Variants in AGMO observed in about 807,000 individuals in gnomAD.
AGMO encodes the protein glyceryl-ether monooxygenase.
In AGMO, 75 loss-of-function variants were observed where a neutral mutation model predicts 60.2. That is an observed-to-expected ratio of 1.25 (90% CI 1.03 to 1.51). The LOEUF (loss-of-function observed/expected upper bound fraction) is 1.51. AGMO is among the 40% of genes most tolerant of loss of function. AGMO has a pLI of 0.00. For synonymous variants in AGMO, 261 were observed against 177.1 expected, an observed-to-expected ratio of 1.47 and a Z score of -3.76; for missense variants, 763 against 525.5, an observed-to-expected ratio of 1.45 and a Z score of -4.42.
chr7:15,237,070 G>A (rs1782445192), intron 12 of AGMO, among the ~76,000 whole-genome samples: 2 of 152,110 alleles, frequency 1.3e-5, no homozygotes, highest in Non-Finnish European at 2.9e-5. Flanking sequence ...AGTAAGCATT[G>A]TGAAATCAGT....
the AGMO span, among the ~76,000 whole-genome samples, chr7:15,138,224 CA>C: frequency 6.6e-6 from 1 of 152,118 alleles, no homozygotes; most frequent in East Asian, 1.9e-4. Flanking sequence ...CGTTCCTTTC[CA>C]AAGTCCTGGA....
chr7:15,454,424 G>C (rs184918170), intron 3 of AGMO, among the ~76,000 whole-genome samples: 34 of 151,720 alleles, frequency 2.2e-4, no homozygotes, highest in Non-Finnish European at 4.7e-4. Flanking sequence ...TGGAGAGACA[G>C]ATATGTTAAT....
chr7:15,393,030 GTA>G (rs1455246624), intron 6 of AGMO, among the ~76,000 whole-genome samples: 1 of 152,218 alleles, frequency 6.6e-6, no homozygotes, highest in African/African-American at 2.4e-5. Flanking sequence ...GGTTCTCAAG[GTA>G]TGATTTCTAC....
the AGMO span, among the ~76,000 whole-genome samples, chr7:15,122,243 C>T: frequency 5.9e-5 from 9 of 151,990 alleles, 1 homozygote; most frequent in South Asian, 4.2e-4. Context: ...AGTGGGCAAA[C>T]GATATGAACA....
intron 3 of AGMO, among the ~76,000 whole-genome samples, chr7:15,483,430 G>A (rs1782816588): frequency 6.6e-6 from 1 of 152,106 alleles, no homozygotes. Flanking sequence ...GCCGGGCGTG[G>A]TGGCGGGCGC....
intron 3 of AGMO, among the ~76,000 whole-genome samples, chr7:15,468,498 T>A (rs890139714): frequency 2.0e-5 from 3 of 152,118 alleles, no homozygotes; most frequent in African/African-American, 7.2e-5. Context: ...GTTTTAAACA[T>A]GTAATAATTA....
intron 12 of AGMO, among the ~76,000 whole-genome samples, chr7:15,363,682 T>C (rs574560431): frequency 6.6e-6 from 1 of 152,160 alleles, no homozygotes; most frequent in Admixed American, 6.6e-5. Flanking sequence ...CATACTACAT[T>C]GCCCTCCACC....
At chr7:15,392,760 C>G (rs1418342300) in intron 6 of AGMO, among the ~76,000 whole-genome samples, 1 of 152,038 alleles carries the variant, frequency 6.6e-6, no homozygotes, top group African/African-American at 2.4e-5. Flanking sequence ...GATTGTGCCA[C>G]TACACTCCAG....
rs534943068 is a variant in AGMO at position 15,395,722 on chromosome 7, A to C, written c.610-1543T>G. Among the ~76,000 whole-genome samples, 6 of 152,348 alleles carry C rather than the reference A, an allele frequency of 3.9e-5. No homozygotes were observed. In the South Asian group the frequency reaches 1.2e-3, roughly 32 times the overall value. On this transcript the variant is annotated intron_variant, in intron 5 of 12. Transcript: ENST00000342526. ...TTATGAATGTTTGAAAAAGTTTGTT[A>C]AAAATTTAAACTGCTAGTAATGTCC...
intron 12 of AGMO, among the ~76,000 whole-genome samples, chr7:15,352,219 T>C (rs1782266825): frequency 6.6e-6 from 1 of 151,694 alleles, no homozygotes; most frequent in Non-Finnish European, 1.5e-5. Context: ...ATGAAATAAA[T>C]ATACAATCCA....
At chr7:15,527,983 T>G (rs906109368) in intron 3 of AGMO, among the ~76,000 whole-genome samples, 1 of 152,170 alleles carries the variant, frequency 6.6e-6, no homozygotes, top group Non-Finnish European at 1.5e-5. Context: ...GTACATGGTC[T>G]CCCATGAGCT....
chr7:15,463,203 T>G (rs909106747), intron 3 of AGMO, among the ~76,000 whole-genome samples: 1 of 152,176 alleles, frequency 6.6e-6, no homozygotes, highest in African/African-American at 2.4e-5. Context: ...AGAGGCCAGA[T>G]TGCAAACAGA....
At chr7:15,222,843 T>C (rs904920643) in intron 12 of AGMO, among the ~76,000 whole-genome samples, 9 of 152,016 alleles carry the variant, frequency 5.9e-5, no homozygotes, top group Admixed American at 2.0e-4. Context: ...TAGTGTTCAT[T>C]TCTTAAGAAC....
rs145934743 is a variant in AGMO, at chr7:15,535,267, A to T, written c.409+9505T>A. ...TCACCTGTGCTTTTTTCTGCAATTT[A>T]TTTCTTAGACATAAGCTTTGGAATA... On this transcript the variant is annotated intron_variant, in intron 3 of 12. Transcript: ENST00000342526. Among the ~76,000 whole-genome samples the T allele has an allele frequency of 1.2e-4, 18 of 151,874 alleles. No homozygotes were observed. In the East Asian group the frequency reaches 3.5e-3, roughly 29 times the overall value.
chr7:15,394,132 G>C lies in AGMO; in HGVS notation c.657C>G (p.Ser219Arg), dbSNP rs200156433. Residue 219 changes from serine to arginine, a missense_variant, in exon 6 of 13, where the codon AGC (serine) becomes AGG (arginine). Transcript: ENST00000342526. ...GPLELILNTP[S>R]HHRVHHGRNR... The stretch of plus-strand genomic sequence containing the variant: ...CCTTACCATGATGAACCCTATGATG[G>C]CTAGGAGTATTAAGAATCAGTTCCA... The C allele has an allele frequency of 6.2e-7, 1 of 1,612,014 alleles. No individual in the cohort carries two copies. Among genetic ancestry groups the C allele is most frequent in the Middle Eastern group, 1.7e-4 (1 of 6,056 alleles).
intron 10 of AGMO, among the ~76,000 whole-genome samples, chr7:15,374,831 T>C (rs112631438): frequency 9.9e-5 from 15 of 151,906 alleles, no homozygotes; most frequent in East Asian, 1.9e-4. Context: ...ATTTGGAAAA[T>C]AGAGTACCAA....
intron 12 of AGMO, among the ~76,000 whole-genome samples, chr7:15,350,996 A>G (rs1488819897): frequency 5.3e-5 from 8 of 152,188 alleles, no homozygotes; most frequent in Admixed American, 4.6e-4. Flanking sequence ...ATGCTTTTTA[A>G]GAAAATTTAG....
chr7:15,491,000 C>T (rs539923753), intron 3 of AGMO, among the ~76,000 whole-genome samples: 1 of 152,158 alleles, frequency 6.6e-6, no homozygotes, highest in African/African-American at 2.4e-5. Context: ...GACTTTGTGC[C>T]AAGTAGAGGA....
At chr7:15,399,356 A>G (rs1296177315) in intron 5 of AGMO, among the ~76,000 whole-genome samples, 2 of 152,188 alleles carry the variant, frequency 1.3e-5, no homozygotes, top group African/African-American at 4.8e-5. Context: ...TTAAGAGCCA[A>G]TGTTCTAAAC....
Sources: gnomAD v4.1 joint callset for allele counts (sites outside exome capture counted in the v4.1 genomes callset) on GRCh38, gnomAD v4.1.1 for gene constraint, MANE v1.5 for transcripts, NCBI Gene and HGNC (gene_info 2026-07-23, HGNC 2026-07-21) for gene names.